The following ETV1 variants were observed in gnomAD, a reference collection of about 807,000 sequenced individuals.
ETV1 encodes the protein ETS translocation variant 1.
A neutral mutation model predicts 62.3 loss-of-function variants in ETV1; 27 were observed. The observed-to-expected ratio is 0.43, with a 90% CI of 0.32 to 0.60. The LOEUF is 0.60. Among genes scored for constraint, ETV1 ranks in the 20% least tolerant of loss-of-function variants. ETV1 has a pLI of 0.06. For missense variants in ETV1, 605 were observed against 605.8 expected, an observed-to-expected ratio of 1.00 and a Z score of 0.01; for synonymous variants, 222 against 199.6, an observed-to-expected ratio of 1.11 and a Z score of -0.94.
chr7:13,947,112 A>G (rs999228689), intron 6 of ETV1, among the ~76,000 whole-genome samples: 5 of 152,198 alleles, frequency 3.3e-5, no homozygotes, highest in African/African-American at 1.2e-4. Context: ...TAGGAGAATA[A>G]CTTCCCAAAC....
In ETV1 at chr7:13,891,638, G is replaced by A. The variant is rs917670346; in HGVS notation, c.*4228C>T. On this transcript the variant is annotated 3_prime_UTR_variant, in exon 14 of 14. Transcript: ENST00000430479. Reference sequence around the variant, plus strand: ...AAAAAAAGAAGTCCTAAAAGTACTAGTTGAGCTCTGAATAAACTGGGTGAA... The same window carrying A: ...AAAAAAAGAAGTCCTAAAAGTACTAATTGAGCTCTGAATAAACTGGGTGAA... 1 of 231,470 alleles carries A rather than the reference G, an allele frequency of 4.3e-6. No individual in the cohort carries two copies. The highest frequency in any genetic ancestry group is 2.2e-5 in the African/African-American group (1 of 45,194). 14.3% of individuals were successfully genotyped at this position (231,470 alleles called of 1,614,324 possible).
chr7:13,906,530 A>G lies in ETV1; in HGVS notation c.1010T>C (p.Leu337Pro). The G allele has an allele frequency of 6.2e-7, 1 of 1,612,544 alleles. No homozygotes were observed. The highest frequency in any genetic ancestry group is 8.5e-7 in the Non-Finnish European group (1 of 1,179,224). The change falls in exon 12 of 14, where the codon CTC (leucine) becomes CCC (proline). Residue 337 changes from leucine (L) to proline (P), a missense_variant. By Grantham distance (98) the Leu-to-Pro change is moderately conservative (BLOSUM62 -3). Coordinates refer to ENST00000430479, the MANE Select transcript of ETV1 (RefSeq NM_004956.5). ...PTYQRRGSLQ[L>P]WQFLVALLDD... ...CAGAAGAGCTACCAAAAACTGCCAG[A>G]GCTGAAGTGATCCTCGCCGTTGGTA...
chr7:13,976,065 GT>G (rs1781422600), intron 6 of ETV1, among the ~76,000 whole-genome samples: 1 of 152,156 alleles, frequency 6.6e-6, no homozygotes, highest in Admixed American at 6.5e-5. Context: ...GTTTCTAAGG[GT>G]GTCTAATTAA....
At chr7:13,957,727 C>A (rs1209988308) in intron 6 of ETV1, among the ~76,000 whole-genome samples, 1 of 152,170 alleles carries the variant, frequency 6.6e-6, no homozygotes, top group Admixed American at 6.5e-5. Flanking sequence ...TATTCAGCAG[C>A]TTATATTAGC....
In ETV1 at chr7:13,965,264, A is replaced by G. The variant is rs116405205; in HGVS notation, c.235+12163T>C. On this transcript the variant is annotated intron_variant, in intron 6 of 13. Coordinates refer to ENST00000430479, the MANE Select transcript of ETV1 (RefSeq NM_004956.5). The stretch of plus-strand genomic sequence containing the variant: ...CACTGCAGCCTAGACAAGGACTGGA[A>G]TAGTTCCCGAACACCATGTCCTCCC... Among the ~76,000 whole-genome samples, 873 of 152,330 alleles carry G rather than the reference A, an allele frequency of 5.7e-3. 7 individuals are homozygous for G. Among genetic ancestry groups the G allele is most frequent in the African/African-American group, 0.019 (809 of 41,570 alleles).
At chr7:13,953,119 T>A (rs1031965832) in intron 6 of ETV1, among the ~76,000 whole-genome samples, 1 of 152,162 alleles carries the variant, frequency 6.6e-6, no homozygotes, top group Non-Finnish European at 1.5e-5. Flanking sequence ...CACGACACTA[T>A]TTTTTTGGAA....
intron 6 of ETV1, among the ~76,000 whole-genome samples, chr7:13,957,485 T>C (rs112325707): frequency 3.3e-5 from 5 of 152,340 alleles, no homozygotes; most frequent in African/African-American, 1.2e-4. Context: ...GGGATAATCA[T>C]TTTTCCATAA....
intron 5 of ETV1, among the ~76,000 whole-genome samples, chr7:13,978,313 A>G (rs910507177): frequency 1.3e-5 from 2 of 152,094 alleles, no homozygotes; most frequent in Admixed American, 1.3e-4. Flanking sequence ...AAATGTTTTC[A>G]TCACAGTTGA....
chr7:13,959,482 T>C (rs1333231330), intron 6 of ETV1, among the ~76,000 whole-genome samples: 2 of 152,296 alleles, frequency 1.3e-5, no homozygotes, highest in East Asian at 3.9e-4. Flanking sequence ...TTATATCCCA[T>C]ATAAATAGAT....
chr7:13,959,927 CT>C (rs564270930), intron 6 of ETV1, among the ~76,000 whole-genome samples: 69 of 137,928 alleles, frequency 5.0e-4, no homozygotes, highest in Middle Eastern at 3.8e-3. Flanking sequence ...TCTCTGGAAC[CT>C]TTTTTTTTTT....
At chr7:13,977,391 C>G in intron 6 of ETV1, 36 bp downstream of exon 6, 1 of 1,386,038 alleles carries the variant, frequency 7.2e-7, no homozygotes, top group Non-Finnish European at 9.9e-7. Flanking sequence ...ACCAGAAAGA[C>G]AGAAAAATAC....
chr7:13,987,188 A>C (rs1782625263), intron 4 of ETV1, among the ~76,000 whole-genome samples: 1 of 152,134 alleles, frequency 6.6e-6, no homozygotes, highest in Admixed American at 6.5e-5. Flanking sequence ...ACTAAAAGAA[A>C]CCACTTCAAA....
intron 6 of ETV1, among the ~76,000 whole-genome samples, chr7:13,953,623 C>G (rs80013479): frequency 0.038 from 5,800 of 151,504 alleles, 286 homozygotes; most frequent in African/African-American, 0.12. Flanking sequence ...GTGCTTTGTC[C>G]TGGCTACTGA....
intron 9 of ETV1, among the ~76,000 whole-genome samples, chr7:13,913,053 C>A (rs1783715927): frequency 6.6e-6 from 1 of 152,166 alleles, no homozygotes; most frequent in African/African-American, 2.4e-5. Flanking sequence ...AAAATCCAAC[C>A]AATGAAGTTT....
At position 13,976,237 on chromosome 7, in the gene ETV1, A is replaced by C. The variant is rs186988198; in HGVS notation, c.235+1190T>G. ...GCAGAGAAATGGGAGTTATTGTTTT[A>C]CAGGTACAGAACTTCAGCTTGGGAT... On this transcript the variant is annotated intron_variant, in intron 6 of 13. Coordinates refer to ENST00000430479, the MANE Select transcript of ETV1 (RefSeq NM_004956.5). Among the ~76,000 whole-genome samples, 190 of 152,350 alleles carry C rather than the reference A, an allele frequency of 1.2e-3. 1 individual carries two copies. Among genetic ancestry groups the C allele is most frequent in the Non-Finnish European group, 1.7e-3 (115 of 68,030 alleles).
At chr7:13,896,693 A>AGAGAGACAAAGAAAGAAAG (rs1562577552) in intron 13 of ETV1, among the ~76,000 whole-genome samples, 1 of 139,382 alleles carries the variant, frequency 7.2e-6, no homozygotes, top group African/African-American at 2.8e-5. Flanking sequence ...GAAAGAAAAG[A>AGAGAGACAAAGAAAGAAAG]GAGAGAGAAA....
At chr7:13,956,275 A>C (rs1157061264) in intron 6 of ETV1, among the ~76,000 whole-genome samples, 1 of 152,064 alleles carries the variant, frequency 6.6e-6, no homozygotes, top group African/African-American at 2.4e-5. Context: ...TTCTTGTTAC[A>C]CTTTATAGAG....
At chr7:13,965,918 A>G (rs1210719892) in intron 6 of ETV1, among the ~76,000 whole-genome samples, 2 of 152,196 alleles carry the variant, frequency 1.3e-5, no homozygotes, top group Non-Finnish European at 1.5e-5. Context: ...AATACCCAAG[A>G]AACTATTCAT....
At chr7:13,952,589 C>T (rs1583772996) in intron 6 of ETV1, among the ~76,000 whole-genome samples, 1 of 152,186 alleles carries the variant, frequency 6.6e-6, no homozygotes, top group South Asian at 2.1e-4. Flanking sequence ...GAAAGAGGTA[C>T]ATGTAATACG....
Sources: allele counts gnomAD v4.1 joint callset (sites outside exome capture counted in the v4.1 genomes callset), GRCh38; gene constraint gnomAD v4.1.1; transcripts MANE v1.5; gene names NCBI Gene and HGNC (gene_info 2026-07-23, HGNC 2026-07-21).